CDYL2: variants seen among roughly 807,000 people sequenced by gnomAD.
The protein encoded by CDYL2 is chromodomain Y like 2.
A neutral mutation model predicts 49.4 loss-of-function variants in CDYL2; 23 were observed. That is an observed-to-expected ratio of 0.47 (90% CI 0.34 to 0.66). CDYL2 has a LOEUF of 0.66. Among genes scored for constraint, CDYL2 ranks in the 30% least tolerant of loss-of-function variants. CDYL2 has a pLI of 0.01. For synonymous variants in CDYL2, 360 were observed against 268.8 expected (o/e 1.34, Z -3.32); for missense variants, 678 against 656.4 (o/e 1.03, Z -0.36).
chr16:80,641,374 G>A (rs1209748329), intron 2 of CDYL2, among the ~76,000 whole-genome samples: 1 of 152,112 alleles, frequency 6.6e-6, no homozygotes, highest in Admixed American at 6.5e-5. Context: ...TTTTACCCTA[G>A]TATAGTATAT....
At chr16:80,656,505 G>A (rs934356138) in intron 2 of CDYL2, among the ~76,000 whole-genome samples, 2 of 152,242 alleles carry the variant, frequency 1.3e-5, no homozygotes, top group South Asian at 2.1e-4. Context: ...GAGGGCAGCT[G>A]AGAAGTAAAG....
At chr16:80,741,435 T>C (rs1391457844) in intron 1 of CDYL2, among the ~76,000 whole-genome samples, 1 of 151,988 alleles carries the variant, frequency 6.6e-6, no homozygotes, top group Non-Finnish European at 1.5e-5. Flanking sequence ...TTAAACATTT[T>C]AAATTTTCAT....
intron 1 of CDYL2, among the ~76,000 whole-genome samples, chr16:80,776,739 G>C (rs1907096455): frequency 6.6e-6 from 1 of 151,722 alleles, no homozygotes; most frequent in African/African-American, 2.4e-5. Context: ...TTCATATAAT[G>C]GGATTCTGAT....
chr16:80,757,307 G>C (rs1906344517), intron 1 of CDYL2, among the ~76,000 whole-genome samples: 1 of 152,118 alleles, frequency 6.6e-6, no homozygotes, highest in East Asian at 1.9e-4. Flanking sequence ...TGGGAGGCTG[G>C]GGCAGGAGGA....
rs529596990 is a variant in CDYL2 at position 80,702,705 on chromosome 16, G to A, written c.25-17576C>T. Among the ~76,000 whole-genome samples the A allele has an allele frequency of 3.9e-5, 6 of 152,316 alleles. No homozygotes were observed. In the East Asian group the frequency reaches 5.8e-4, roughly 15 times the overall value. On this transcript the variant is annotated intron_variant, in intron 1 of 6. Transcript: ENST00000570137. ...GGCAAGGTTGCAGTGGGCTATGATC[G>A]TACCACTGCATTCCAGCCTGGGTGA...
intron 4 of CDYL2, among the ~76,000 whole-genome samples, chr16:80,615,495 G>A (rs748811821): frequency 4.6e-5 from 7 of 152,000 alleles, no homozygotes; most frequent in Admixed American, 1.3e-4. Flanking sequence ...GCATCATTCC[G>A]CCTCTGCTGG....
intron 1 of CDYL2, among the ~76,000 whole-genome samples, chr16:80,743,660 G>GT (rs1271210381): frequency 2.0e-5 from 3 of 152,036 alleles, no homozygotes; most frequent in Non-Finnish European, 4.4e-5. Flanking sequence ...TATTTTCTCT[G>GT]TTTTTTGTTT....
intron 1 of CDYL2, among the ~76,000 whole-genome samples, chr16:80,697,446 CA>C (rs1219358819): frequency 6.6e-6 from 1 of 152,122 alleles, no homozygotes; most frequent in East Asian, 1.9e-4. Flanking sequence ...CCATATCTGA[CA>C]AACCCACAGC....
chr16:80,758,746 G>A (rs1443354328), intron 1 of CDYL2, among the ~76,000 whole-genome samples: 2 of 151,726 alleles, frequency 1.3e-5, no homozygotes, highest in African/African-American at 2.4e-5. Context: ...GTTTCACCGT[G>A]TTAGCCAGGA....
At chr16:80,793,530 G>C (rs575697513) in intron 1 of CDYL2, among the ~76,000 whole-genome samples, 1 of 152,220 alleles carries the variant, frequency 6.6e-6, no homozygotes, top group African/African-American at 2.4e-5. Flanking sequence ...TGGCCTGGAA[G>C]CATAGGTTTC....
At chr16:80,642,304 A>G (rs372947646) in intron 2 of CDYL2, among the ~76,000 whole-genome samples, 3 of 152,058 alleles carry the variant, frequency 2.0e-5, no homozygotes, top group African/African-American at 4.8e-5. Context: ...TTAGCTGGGC[A>G]TGGTGGCATG....
chr16:80,608,304 G>T, intron 5 of CDYL2, 69 bp from the exon 6 acceptor site: 2 of 1,445,178 alleles, frequency 1.4e-6, no homozygotes, highest in Non-Finnish European at 9.2e-7. Flanking sequence ...CTGGTCCAGG[G>T]CTTGCCACCT....
chr16:80,609,053 T>G (rs546307378), intron 5 of CDYL2, among the ~76,000 whole-genome samples: 53 of 152,264 alleles, frequency 3.5e-4, no homozygotes, highest in Non-Finnish European at 7.5e-4. Flanking sequence ...TGCCCAGTCT[T>G]GAAGGGCAGA....
chr16:80,770,657 A>G (rs752616210), intron 1 of CDYL2, among the ~76,000 whole-genome samples: 3 of 152,216 alleles, frequency 2.0e-5, no homozygotes, highest in Non-Finnish European at 2.9e-5. Flanking sequence ...GCAAAGATAA[A>G]TGTAAAATTT....
At chr16:80,608,844 C>G (rs1331096811) in intron 5 of CDYL2, among the ~76,000 whole-genome samples, 1 of 152,156 alleles carries the variant, frequency 6.6e-6, no homozygotes, top group Non-Finnish European at 1.5e-5. Flanking sequence ...CCTGATGGTA[C>G]TTGAATTCCC....
chr16:80,656,693 G>A (rs535104035), intron 2 of CDYL2, among the ~76,000 whole-genome samples: 7 of 152,132 alleles, frequency 4.6e-5, no homozygotes, highest in Non-Finnish European at 1.0e-4. Context: ...CAAACATACA[G>A]AAGCGACAGA....
chr16:80,797,058 C>T (rs1421500191), intron 1 of CDYL2, among the ~76,000 whole-genome samples: 1 of 152,056 alleles, frequency 6.6e-6, no homozygotes, highest in African/African-American at 2.4e-5. Context: ...TCTCTTCTTC[C>T]ATCTCTAAAA....
chr16:80,773,000 A>G (rs960222214), intron 1 of CDYL2, among the ~76,000 whole-genome samples: 4 of 152,302 alleles, frequency 2.6e-5, no homozygotes, highest in African/African-American at 9.6e-5. Context: ...AAATATTCCA[A>G]TTAAAACATA....
rs1300878679 is a variant in CDYL2 at position 80,684,624 on chromosome 16, G to C, written c.530C>G (p.Pro177Arg). Residue 177 changes from proline (P) to arginine (R), a missense_variant, in exon 2 of 7, where the codon CCT (proline) becomes CGT (arginine). By Grantham distance (103) the Pro-to-Arg change is moderately radical. Around this residue, in one of 3 missense-constraint regions of CDYL2, gnomAD observed 478 missense variants for 427.0 expected, o/e 1.12. Coordinates refer to ENST00000570137, the MANE Select transcript of CDYL2 (RefSeq NM_152342.4). Reference protein sequence around the residue: ...ERHFGNGSHQPGLDLNDHVGE... With the variant: ...ERHFGNGSHQRGLDLNDHVGE... ...AACATGATCATTCAAATCCAAGCCA[G>C]GCTGATGGGACCCATTTCCAAAGTG... 6 of 1,614,066 alleles carry C rather than the reference G, an allele frequency of 3.7e-6. No homozygotes were observed. In the African/African-American group the frequency reaches 6.7e-5, roughly 18 times the overall value.
Sources: allele counts gnomAD v4.1 joint callset (sites outside exome capture counted in the v4.1 genomes callset), GRCh38; gene constraint gnomAD v4.1.1; regional missense constraint gnomAD v4.1.1; transcripts MANE v1.5; gene names NCBI Gene and HGNC (gene_info 2026-07-23, HGNC 2026-07-21).